CACNB2: variants seen among roughly 807,000 people sequenced by gnomAD.
The protein encoded by CACNB2 is calcium voltage-gated channel auxiliary subunit beta 2.
A neutral mutation model predicts 73.3 loss-of-function variants in CACNB2; 42 were observed. That is an observed-to-expected ratio of 0.57 (90% CI 0.45 to 0.74). The LOEUF is 0.74. Among genes scored for constraint, CACNB2 ranks in the 30% least tolerant of loss-of-function variants. The pLI is 0.00. For missense variants in CACNB2, 940 were observed against 853.0 expected, an observed-to-expected ratio of 1.10 and a Z score of -1.27; for synonymous variants, 348 against 310.3, an observed-to-expected ratio of 1.12 and a Z score of -1.28.
intron 3 of CACNB2, among the ~76,000 whole-genome samples, chr10:18,426,908 A>T (rs984359359): frequency 6.6e-6 from 1 of 150,552 alleles, no homozygotes; most frequent in Non-Finnish European, 1.5e-5. Flanking sequence ...TTTTTTTCTT[A>T]AAAATTATGA....
rs571194540 is a variant in CACNB2, at chr10:18,236,773, C to A, written c.213+85798C>A. On this transcript the variant is annotated intron_variant, in intron 2 of 13. Coordinates refer to ENST00000324631, the MANE Select transcript of CACNB2 (RefSeq NM_201596.3). ...CCATCGGTAACCTTGGAAATGCTTGCATCAGTGATCCAAGTGTGGATCTCC... is the reference window on the plus strand; with the variant it reads ...CCATCGGTAACCTTGGAAATGCTTGAATCAGTGATCCAAGTGTGGATCTCC... Among the ~76,000 whole-genome samples, 6 of 152,332 alleles carry A rather than the reference C, an allele frequency of 3.9e-5. No homozygotes were observed. The East Asian group carries it at 1.2e-3, about 29-fold the overall frequency.
chr10:18,526,403 A>G (rs2052473763), intron 9 of CACNB2, among the ~76,000 whole-genome samples: 1 of 152,208 alleles, frequency 6.6e-6, no homozygotes, highest in Admixed American at 6.5e-5. Context: ...AAGATAACAA[A>G]TGTAGGGTCT....
At chr10:18,429,675 A>T in intron 3 of CACNB2, among the ~76,000 whole-genome samples, 1 of 140,138 alleles carries the variant, frequency 7.1e-6, no homozygotes, top group East Asian at 2.0e-4. Context: ...AAAAAAAAAA[A>T]AAAAAACCAA....
Position 18,182,420 on chromosome 10 carries a change from T to A in CACNB2, c.213+31445T>A, listed in dbSNP as rs114623354. Among the ~76,000 whole-genome samples the A allele has an allele frequency of 6.5e-3, 995 of 152,008 alleles. 16 individuals are homozygous for A. Among genetic ancestry groups the A allele is most frequent in the African/African-American group, 0.022 (931 of 41,466 alleles). On this transcript the variant is annotated intron_variant, in intron 2 of 13. Coordinates refer to ENST00000324631, the MANE Select transcript of CACNB2 (RefSeq NM_201596.3). ...TTATAGCAATCCGAAAACTTTGAGT[T>A]CAATAATAATTCATTATGTTGCAAT...
intron 2 of CACNB2, among the ~76,000 whole-genome samples, chr10:18,188,200 C>T (rs1183538434): frequency 6.6e-6 from 1 of 151,884 alleles, no homozygotes; most frequent in Non-Finnish European, 1.5e-5. Flanking sequence ...TCCTTCCTTC[C>T]TGCCTTCCTG....
chr10:18,268,776 G>C (rs957413948), intron 2 of CACNB2, among the ~76,000 whole-genome samples: 29 of 152,080 alleles, frequency 1.9e-4, no homozygotes, highest in Admixed American at 1.2e-3. Context: ...TCCCAGAAAG[G>C]CTTATAAAAT....
At chr10:18,416,142 C>A (rs564592888) in intron 3 of CACNB2, among the ~76,000 whole-genome samples, 8 of 152,244 alleles carry the variant, frequency 5.3e-5, no homozygotes, top group African/African-American at 1.9e-4. Context: ...CTCTCTTCCT[C>A]CTCCCTGCAC....
Position 18,360,330 on chromosome 10 carries a change from C to T in CACNB2, c.214-41594C>T, listed in dbSNP as rs111313120. Among the ~76,000 whole-genome samples, 1,247 of 152,216 alleles carry T rather than the reference C, an allele frequency of 8.2e-3. 10 individuals are homozygous for T. Among genetic ancestry groups the T allele is most frequent in the African/African-American group, 0.026 (1,098 of 41,520 alleles). ...GCAGCCTCAAACTCCTGGGCTCAAG[C>T]GATCCTCTTGCCTCAGCCTCCTGAG... On this transcript the variant is annotated intron_variant, in intron 2 of 13. Transcript: ENST00000324631.
chr10:18,434,023 C>T (rs1199174081), intron 3 of CACNB2, among the ~76,000 whole-genome samples: 1 of 151,702 alleles, frequency 6.6e-6, no homozygotes, highest in East Asian at 1.9e-4. Flanking sequence ...AAAGCTTTAC[C>T]AGTTAATTTT....
intron 2 of CACNB2, among the ~76,000 whole-genome samples, chr10:18,174,981 A>G (rs543385133): frequency 1.5e-4 from 23 of 152,326 alleles, no homozygotes; most frequent in East Asian, 3.9e-4. Flanking sequence ...TAACATAACA[A>G]TCATTTATAA....
rs1291805969 is a variant in CACNB2, at chr10:18,429,679, A to AC, written c.333+27636_333+27637insC. 1.5e-4 allele frequency among the ~76,000 whole-genome samples: 21 copies of AC among 140,328 alleles called. 2 individuals carry two copies. The highest frequency in any genetic ancestry group is 5.4e-4 in the African/African-American group (21 of 38,910). 92.1% of individuals were successfully genotyped at this position (140,328 alleles called of 152,430 possible). On this transcript the variant is annotated intron_variant, in intron 3 of 13. Coordinates refer to ENST00000324631, the MANE Select transcript of CACNB2 (RefSeq NM_201596.3). ...CCGTCTCTACCAAAAAAAAAAAAAA[A>AC]AACCAAATTAACCAAGAATGATGTT...
intron 2 of CACNB2, among the ~76,000 whole-genome samples, chr10:18,357,465 G>A (rs1334037713): frequency 6.6e-6 from 1 of 152,180 alleles, no homozygotes; most frequent in Non-Finnish European, 1.5e-5. Context: ...CAGTTCCATG[G>A]ATAGGGCCAC....
intron 2 of CACNB2, among the ~76,000 whole-genome samples, chr10:18,243,608 G>A (rs1048049417): frequency 6.6e-6 from 1 of 152,192 alleles, no homozygotes; most frequent in African/African-American, 2.4e-5. Flanking sequence ...ATAGATTAAT[G>A]CCCTTCCTCG....
At chr10:18,474,522 A>C (rs74396984) in intron 3 of CACNB2, among the ~76,000 whole-genome samples, 1 of 152,194 alleles carries the variant, frequency 6.6e-6, no homozygotes, top group African/African-American at 2.4e-5. Context: ...GGAGATGCCA[A>C]TTCCCCAACT....
intron 2 of CACNB2, among the ~76,000 whole-genome samples, chr10:18,241,285 A>C (rs1011917893): frequency 6.6e-6 from 1 of 152,134 alleles, no homozygotes; most frequent in Non-Finnish European, 1.5e-5. Flanking sequence ...AAACTTCTTA[A>C]ATTGACTGAA....
intron 3 of CACNB2, among the ~76,000 whole-genome samples, chr10:18,459,356 G>T (rs1000285082): frequency 2.0e-5 from 3 of 152,160 alleles, no homozygotes; most frequent in Non-Finnish European, 2.9e-5. Context: ...AAGGAAGGAG[G>T]TGGCTGAGAT....
chr10:18,304,425 T>A (rs2039648370), intron 2 of CACNB2, among the ~76,000 whole-genome samples: 2 of 152,254 alleles, frequency 1.3e-5, no homozygotes, highest in Non-Finnish European at 2.9e-5. Context: ...AAGAAAGGTA[T>A]TAAATACATT....
chr10:18,439,959 A>C (rs1321907389), intron 3 of CACNB2, among the ~76,000 whole-genome samples: 5 of 152,230 alleles, frequency 3.3e-5, no homozygotes, highest in South Asian at 2.1e-4. Flanking sequence ...AAGTGCTAAA[A>C]AATAGTCTCT....
At chr10:18,190,531 C>A (rs989346249) in intron 2 of CACNB2, among the ~76,000 whole-genome samples, 1 of 152,134 alleles carries the variant, frequency 6.6e-6, no homozygotes, top group Admixed American at 6.6e-5. Context: ...AAAATAGTTA[C>A]TAATTTATTT....
Sources: allele counts gnomAD v4.1 joint callset (sites outside exome capture counted in the v4.1 genomes callset), GRCh38; gene constraint gnomAD v4.1.1; transcripts MANE v1.5; gene names NCBI Gene and HGNC (gene_info 2026-07-23, HGNC 2026-07-21).